BACH2: variants seen among roughly 807,000 people sequenced by gnomAD.
BACH2 encodes the protein transcription regulator protein BACH2.
A neutral mutation model predicts 61.8 loss-of-function variants in BACH2; 5 were observed. The observed-to-expected ratio is 0.08, with a 90% confidence interval of 0.04 to 0.17. The LOEUF (loss-of-function observed/expected upper bound fraction) is 0.17, where lower values mean the gene tolerates loss of function less well. BACH2 is among the 10% of genes least tolerant of loss of function. The probability of loss-of-function intolerance (pLI) is 1.00; values close to 1 mark genes in which losing one functional copy is unlikely to be tolerated. For synonymous variants in BACH2, 446 were observed against 440.1 expected (o/e 1.01, Z -0.17); for missense variants, 824 against 1,091.1 (o/e 0.76, Z 3.45).
At chr6:90,098,279 C>T (rs1244438462) in intron 4 of BACH2, among the ~76,000 whole-genome samples, 2 of 152,070 alleles carry the variant, frequency 1.3e-5, no homozygotes, top group East Asian at 3.9e-4. Context: ...CTTTGCCCCC[C>T]CCGCAACCCC....
At chr6:89,941,340 A>G (rs1311459813) in intron 7 of BACH2, among the ~76,000 whole-genome samples, 1 of 152,184 alleles carries the variant, frequency 6.6e-6, no homozygotes, top group Non-Finnish European at 1.5e-5. Context: ...GAGCTTGTGC[A>G]GTGTGGCATT....
At chr6:90,096,797 C>G (rs568067265) in intron 4 of BACH2, among the ~76,000 whole-genome samples, 4 of 152,196 alleles carry the variant, frequency 2.6e-5, no homozygotes, top group Non-Finnish European at 1.5e-5. Flanking sequence ...CCTGACATAG[C>G]CTCTTCTTCC....
chr6:90,030,448 G>C (rs1380551608), intron 5 of BACH2, among the ~76,000 whole-genome samples: 1 of 152,124 alleles, frequency 6.6e-6, no homozygotes, highest in Admixed American at 6.6e-5. Context: ...AACATTGATA[G>C]ACCGCTAGCA....
intron 6 of BACH2, among the ~76,000 whole-genome samples, chr6:89,983,752 A>G (rs1293440766): frequency 6.6e-6 from 1 of 152,246 alleles, no homozygotes; most frequent in Non-Finnish European, 1.5e-5. Flanking sequence ...GTGCAGAAGA[A>G]CATTTCCATC....
At chr6:90,092,280 T>TAAAAAAAAAAAAAAAAAAAAAAAAA (rs200675044) in intron 4 of BACH2, among the ~76,000 whole-genome samples, 1 of 77,226 alleles carries the variant, frequency 1.3e-5, no homozygotes, top group African/African-American at 6.2e-5. Context: ...ACTGTCAAAG[T>TAAAAAAAAAAAAAAAAAAAAAAAAA]AAAAAAAAAA....
intron 3 of BACH2, among the ~76,000 whole-genome samples, chr6:90,219,785 TACACACACAC>T (rs5878121): frequency 7.4e-5 from 11 of 148,620 alleles, no homozygotes; most frequent in Admixed American, 1.3e-4. Context: ...TTAAAACACA[TACACACACAC>T]ACACACACAC....
At chr6:90,168,442 A>G (rs1292895499) in intron 4 of BACH2, among the ~76,000 whole-genome samples, 1 of 152,246 alleles carries the variant, frequency 6.6e-6, no homozygotes, top group East Asian at 1.9e-4. Context: ...ATTTTAAAAT[A>G]ATGATCCACA....
chr6:90,083,950 A>T (rs1473807650), intron 5 of BACH2, among the ~76,000 whole-genome samples: 1 of 152,192 alleles, frequency 6.6e-6, no homozygotes, highest in African/African-American at 2.4e-5. Context: ...TAAAACATCT[A>T]ACCATTCTCA....
intron 1 of BACH2, among the ~76,000 whole-genome samples, chr6:90,278,306 C>T (rs534459856): frequency 6.6e-6 from 1 of 152,336 alleles, no homozygotes; most frequent in South Asian, 2.1e-4. Context: ...CTGGCCATGC[C>T]CCCTTTCTCT....
At chr6:90,276,069 AG>A (rs1431789010) in intron 1 of BACH2, among the ~76,000 whole-genome samples, 4 of 152,216 alleles carry the variant, frequency 2.6e-5, no homozygotes, top group Non-Finnish European at 4.4e-5. Context: ...TGGAGGTCAG[AG>A]TAGTCACACT....
At chr6:89,947,394 A>G (rs1773790954) in intron 7 of BACH2, among the ~76,000 whole-genome samples, 1 of 152,162 alleles carries the variant, frequency 6.6e-6, no homozygotes, top group African/African-American at 2.4e-5. Context: ...TTGGAAACCT[A>G]ACCTCCTCTA....
intron 5 of BACH2, among the ~76,000 whole-genome samples, chr6:90,059,705 G>C (rs1367906550): frequency 6.6e-6 from 1 of 152,068 alleles, no homozygotes; most frequent in African/African-American, 2.4e-5. Flanking sequence ...ATTCACAATA[G>C]CAAAGACTTG....
At position 90,200,501 on chromosome 6, in the gene BACH2, A is replaced by G. The variant is rs150840882; in HGVS notation, c.-162+6068T>C. ...GATCCTTCCTGGTAATATGCCAAGC[A>G]GAATGACCCTAGGTCCAAATCTCTG... is the stretch of plus-strand genomic sequence containing the variant. On this transcript the variant is annotated intron_variant, in intron 4 of 8. Transcript: ENST00000257749. 4.0e-3 allele frequency among the ~76,000 whole-genome samples: 602 copies of G among 152,276 alleles called. 4 individuals are homozygous for G. The highest frequency in any genetic ancestry group is 0.013 in the African/African-American group (547 of 41,550).
intron 6 of BACH2, among the ~76,000 whole-genome samples, chr6:89,992,680 A>C (rs1349544911): frequency 2.6e-5 from 4 of 152,170 alleles, no homozygotes; most frequent in Admixed American, 6.5e-5. Context: ...AACAAAAAAA[A>C]ACAAAGAAAT....
chr6:90,044,940 A>G (rs941329058), intron 5 of BACH2, among the ~76,000 whole-genome samples: 5 of 152,202 alleles, frequency 3.3e-5, no homozygotes, highest in African/African-American at 1.2e-4. Flanking sequence ...GCAACTGAAC[A>G]CAGCCTGATT....
At chr6:90,282,314 A>C (rs1771881969) in intron 1 of BACH2, among the ~76,000 whole-genome samples, 1 of 151,342 alleles carries the variant, frequency 6.6e-6, no homozygotes, top group Non-Finnish European at 1.5e-5. Flanking sequence ...CCCTCTTCCC[A>C]CCCTCTAATA....
rs563195659 is a variant in BACH2, at chr6:90,015,993, ATTCCT to A, written c.-12-7142_-12-7138del. Among the ~76,000 whole-genome samples the A allele has an allele frequency of 2.6e-5, 4 of 152,220 alleles. No individual in the cohort carries two copies. The East Asian group carries it at 7.7e-4, about 29-fold the overall frequency. On this transcript the variant is annotated intron_variant, in intron 5 of 8. Transcript: ENST00000257749. ...GTTTTTATTTTTTCTTGTAGTATTT[ATTCCT>A]TTATCACTATGAAGTCACCTTTTAA...
intron 1 of BACH2, among the ~76,000 whole-genome samples, chr6:90,277,395 G>A (rs1771727698): frequency 6.6e-6 from 1 of 152,134 alleles, no homozygotes; most frequent in Non-Finnish European, 1.5e-5. Context: ...ACACAAAATA[G>A]TACATTCTGT....
chr6:90,167,141 C>G (rs1162880663), intron 4 of BACH2, among the ~76,000 whole-genome samples: 1 of 152,160 alleles, frequency 6.6e-6, no homozygotes, highest in African/African-American at 2.4e-5. Flanking sequence ...AATTTGTCCT[C>G]TCAAAAAATT....
Sources: gnomAD v4.1 joint callset for allele counts (sites outside exome capture counted in the v4.1 genomes callset) on GRCh38, gnomAD v4.1.1 for gene constraint, MANE v1.5 for transcripts, NCBI Gene and HGNC (gene_info 2026-07-23, HGNC 2026-07-21) for gene names.